The following CEP164 variants were observed in gnomAD, a reference collection of about 807,000 sequenced individuals.
CEP164 encodes the protein centrosomal protein 164.
A neutral mutation model predicts 182.7 loss-of-function variants in CEP164; 162 were observed. The ratio of observed to expected loss-of-function variants is 0.89; its 90% CI spans 0.78 to 1.01. CEP164 has a LOEUF of 1.01. CEP164 is among the 50% of genes least tolerant of loss of function. The pLI, the probability that CEP164 is intolerant of heterozygous loss-of-function variation, is 0.00. For synonymous variants in CEP164, 661 were observed against 690.0 expected, an observed-to-expected ratio of 0.96 and a Z score of 0.66; for missense variants, 1,735 against 1,790.4, an observed-to-expected ratio of 0.97 and a Z score of 0.56.
intron 8 of CEP164, among the ~76,000 whole-genome samples, chr11:117,365,808 G>A (rs1475673599): frequency 6.6e-6 from 1 of 152,120 alleles, no homozygotes; most frequent in Non-Finnish European, 1.5e-5. Context: ...TCGAACTCCT[G>A]ACCTCAGGTG....
At chr11:117,401,181 A>G (rs1349573922) in intron 27 of CEP164, among the ~76,000 whole-genome samples, 2 of 152,078 alleles carry the variant, frequency 1.3e-5, no homozygotes, top group Non-Finnish European at 2.9e-5. Flanking sequence ...AGTTTATTCA[A>G]AGTTTTTAGC....
intron 20 of CEP164, among the ~76,000 whole-genome samples, chr11:117,393,777 C>CTTAA (rs1374432944): frequency 6.6e-6 from 1 of 152,182 alleles, no homozygotes; most frequent in African/African-American, 2.4e-5. Flanking sequence ...AGCCTTTGGT[C>CTTAA]TTAAGGTAGG....
At position 117,397,083 on chromosome 11, in the gene CEP164, T is replaced by C. The variant is rs771735947; in HGVS notation, c.3279-8T>C. ...TTCTGTTTTCCTTCTTCAACTCTCC[T>C]GCTCCAGCCTGTCCTCCCACAATGT... On this transcript the variant is annotated splice_polypyrimidine_tract_variant and splice_region_variant and intron_variant, in intron 26 of 32. Transcript: ENST00000278935. 16 of 1,612,404 alleles carry C rather than the reference T, an allele frequency of 9.9e-6. No homozygotes were observed. The South Asian group carries it at 1.3e-4, about 13-fold the overall frequency.
chr11:117,347,361 T>C (rs891945395), intron 4 of CEP164, among the ~76,000 whole-genome samples: 1 of 152,222 alleles, frequency 6.6e-6, no homozygotes, highest in African/African-American at 2.4e-5. Context: ...TTGTTCTCCA[T>C]TTTCAAAGTC....
At chr11:117,363,106 G>A (rs760513497) in intron 7 of CEP164, among the ~76,000 whole-genome samples, 11 of 152,136 alleles carry the variant, frequency 7.2e-5, no homozygotes, top group Non-Finnish European at 1.3e-4. Flanking sequence ...GCTGATCTCT[G>A]TGCTACTTTT....
chr11:117,355,031 G>A, intron 5 of CEP164: 1 of 1,289,806 alleles, frequency 7.8e-7, no homozygotes, highest in Non-Finnish European at 1.0e-6. Context: ...CCTAGATCAA[G>A]AGATGCAGGC....
At chr11:117,325,860 A>C (rs2035409210), upstream of CEP164, among the ~76,000 whole-genome samples, 1 of 151,438 alleles carries the variant, frequency 6.6e-6, no homozygotes, top group African/African-American at 2.4e-5. Flanking sequence ...TAGAAGTAGC[A>C]TTGCAATAGG....
At chr11:117,336,133 C>T (rs886968316) in intron 2 of CEP164, 4 of 1,556,764 alleles carry the variant, frequency 2.6e-6, no homozygotes, top group South Asian at 1.1e-5. Flanking sequence ...CCCAGTACAA[C>T]ATGGCTTCTG....
intron 18 of CEP164, 83 bp from the exon 19 acceptor site, chr11:117,392,413 G>C (rs2044779288): frequency 1.3e-6 from 2 of 1,567,662 alleles, no homozygotes; most frequent in Non-Finnish European, 8.7e-7. Context: ...ATGGATGCCA[G>C]GTCCTCAGAA....
intron 14 of CEP164, chr11:117,384,626 C>G (rs995406634): frequency 6.6e-6 from 1 of 152,288 alleles, no homozygotes; most frequent in Non-Finnish European, 1.5e-5. Context: ...CTCCCGCCAT[C>G]CCAGCGAGGC....
chr11:117,399,033 CA>C (rs1472583366), intron 27 of CEP164, among the ~76,000 whole-genome samples: 1 of 151,846 alleles, frequency 6.6e-6, no homozygotes, highest in Non-Finnish European at 1.5e-5. Context: ...ATGTGCAGAC[CA>C]TGCAGGTTTG....
intron 27 of CEP164, among the ~76,000 whole-genome samples, chr11:117,404,742 G>T (rs919996662): frequency 3.9e-5 from 6 of 152,208 alleles, no homozygotes; most frequent in African/African-American, 1.4e-4. Flanking sequence ...ATCTGCTGAA[G>T]GTGCGCCCAC....
At chr11:117,405,979 A>G (rs998254979) in intron 27 of CEP164, among the ~76,000 whole-genome samples, 1 of 152,230 alleles carries the variant, frequency 6.6e-6, no homozygotes, top group African/African-American at 2.4e-5. Context: ...AGGAGGTTCC[A>G]AACTTTCCCA....
At chr11:117,386,810 G>C (rs1199648706) in intron 14 of CEP164, 1 of 207,542 alleles carries the variant, frequency 4.8e-6, no homozygotes, top group Non-Finnish European at 9.8e-6. Context: ...GTAGCAGGCA[G>C]AGCTCTAGCG....
intron 3 of CEP164, among the ~76,000 whole-genome samples, chr11:117,342,908 T>C (rs1387963648): frequency 6.6e-6 from 1 of 151,622 alleles, no homozygotes; most frequent in East Asian, 2.0e-4. Flanking sequence ...GAAGTCTTGC[T>C]TTGTCCCCCA....
chr11:117,333,166 C>G (rs866488553), intron 1 of CEP164, among the ~76,000 whole-genome samples: 4 of 149,686 alleles, frequency 2.7e-5, no homozygotes, highest in Admixed American at 6.7e-5. Context: ...GTGTGTGTCA[C>G]CATGCATGGC....
chr11:117,400,851 T>C (rs2046055924), intron 27 of CEP164, among the ~76,000 whole-genome samples: 1 of 152,244 alleles, frequency 6.6e-6, no homozygotes, highest in Non-Finnish European at 1.5e-5. Context: ...CCTGAGACTT[T>C]GCTGAAGTTG....
Position 117,373,776 on chromosome 11 carries a change from A to C in CEP164, c.1178A>C (p.Lys393Thr). The C allele has an allele frequency of 6.2e-7, 1 of 1,614,172 alleles. No individual in the cohort carries two copies. The highest frequency in any genetic ancestry group is 8.5e-7 in the Non-Finnish European group (1 of 1,180,004). The change falls in exon 10 of 33, where the codon AAG becomes ACG. Residue 393 changes from lysine (K) to threonine (T), a missense_variant. Transcript: ENST00000278935. ...SQELEISEHM[K>T]EPQLSDSIAS... ...GAACTGGAAATTAGTGAACACATGA[A>C]GGAACCACAGCTCTCAGACTCCATA...
chr11:117,409,116 C>T lies in CEP164; in HGVS notation c.3748+88C>T. On this transcript the variant is annotated intron_variant, in intron 29 of 32. Transcript: ENST00000278935. This position sits in a 1 kb window ranked among gnomAD's most constrained non-coding sequence, Gnocchi z 4.4. ...TAGAAGAAGAGCTCTCTTCCCTCAGCCCTGCAGAGGGAGGCCTCTGTGAGC... is the reference window on the plus strand; with the variant it reads ...TAGAAGAAGAGCTCTCTTCCCTCAGTCCTGCAGAGGGAGGCCTCTGTGAGC... 1 of 1,547,240 alleles carries T rather than the reference C, an allele frequency of 6.5e-7. No individual in the cohort carries two copies. Among genetic ancestry groups the T allele is most frequent in the East Asian group, 2.3e-5 (1 of 43,716 alleles).
Sources: allele counts gnomAD v4.1 joint callset (sites outside exome capture counted in the v4.1 genomes callset), GRCh38; gene constraint gnomAD v4.1.1; non-coding constraint Gnocchi (gnomAD v3.1); transcripts MANE v1.5; gene names NCBI Gene and HGNC (gene_info 2026-07-23, HGNC 2026-07-21).